The following NUP160 variants were observed in gnomAD, a reference collection of about 807,000 sequenced individuals.
NUP160 encodes the protein nucleoporin 160.
Under a neutral mutation model 196.9 loss-of-function variants are expected in NUP160, and 94 were observed. The ratio of observed to expected loss-of-function variants is 0.48; its 90% CI spans 0.40 to 0.57. NUP160 has a LOEUF of 0.57. NUP160 is among the 20% of genes least tolerant of loss of function. The pLI is 0.00. For synonymous variants in NUP160, 605 were observed against 619.7 expected, an observed-to-expected ratio of 0.98 and a Z score of 0.35; for missense variants, 1,638 against 1,748.3, an observed-to-expected ratio of 0.94 and a Z score of 1.13.
rs751856280 is a variant in NUP160 at position 47,806,315 on chromosome 11, TAAAAAG to T, written c.2447-9_2447-4del. 8.0e-5 allele frequency: 128 copies of T among 1,603,262 alleles called. No individual in the cohort carries two copies. The highest frequency in any genetic ancestry group is 1.7e-4 in the Middle Eastern group (1 of 6,028). Reference sequence around the variant, plus strand: ...CACAATAGTCTGAGGACTAGATACTTAAAAAGAAAAAGTTATGACAGTTTTGTGTAG... The same window carrying T: ...CACAATAGTCTGAGGACTAGATACTTAAAAAGTTATGACAGTTTTGTGTAG... On this transcript the variant is annotated splice_region_variant and splice_polypyrimidine_tract_variant and intron_variant, in intron 19 of 35. Transcript: ENST00000378460.
intron 31 of NUP160, among the ~76,000 whole-genome samples, chr11:47,787,780 C>T (rs1212994453): frequency 2.6e-5 from 4 of 152,162 alleles, no homozygotes; most frequent in South Asian, 2.1e-4. Flanking sequence ...TGCAGTGGCG[C>T]GATCTCGGCT....
At chr11:47,788,984 C>T (rs771522578) in intron 29 of NUP160, among the ~76,000 whole-genome samples, 1 of 151,646 alleles carries the variant, frequency 6.6e-6, no homozygotes, top group African/African-American at 2.4e-5. Context: ...TCATGTGATT[C>T]TCCTGCCTCA....
At chr11:47,835,354 CA>C (rs1852152734) in intron 7 of NUP160, among the ~76,000 whole-genome samples, 1 of 152,194 alleles carries the variant, frequency 6.6e-6, no homozygotes, top group Non-Finnish European at 1.5e-5. Context: ...CTTAACACCA[CA>C]TAACACCTAC....
Position 47,792,784 on chromosome 11 carries a change from A to T in NUP160, c.3450+2T>A. The T allele has an allele frequency of 6.3e-7, 1 of 1,594,480 alleles. No individual in the cohort carries two copies. The highest frequency in any genetic ancestry group is 8.5e-7 in the Non-Finnish European group (1 of 1,171,340). On this transcript the variant is annotated splice_donor_variant, in intron 28 of 35. Transcript: ENST00000378460. LOFTEE classifies it high-confidence loss of function. ...AAATTCCAGGATGAAATGTTTTCAT[A>T]CCACTGCACCAGACACTGGCTGCAC...
intron 7 of NUP160, among the ~76,000 whole-genome samples, chr11:47,830,992 C>T (rs1049289161): frequency 6.6e-5 from 10 of 152,184 alleles, no homozygotes; most frequent in South Asian, 4.2e-4. Flanking sequence ...GGTGAAACCC[C>T]GTCTCTACAA....
At chr11:47,830,386 A>G (rs1179184046) in intron 7 of NUP160, among the ~76,000 whole-genome samples, 1 of 152,210 alleles carries the variant, frequency 6.6e-6, no homozygotes, top group Non-Finnish European at 1.5e-5. Flanking sequence ...AATACAAATC[A>G]TTCTACCATA....
At chr11:47,793,693 A>G (rs1201027328) in intron 27 of NUP160, among the ~76,000 whole-genome samples, 1 of 151,280 alleles carries the variant, frequency 6.6e-6, no homozygotes, top group Non-Finnish European at 1.5e-5. Flanking sequence ...AATACAACAG[A>G]AAATCATTTA....
chr11:47,799,812 T>C (rs998097345), intron 23 of NUP160, among the ~76,000 whole-genome samples: 3 of 151,484 alleles, frequency 2.0e-5, no homozygotes, highest in Non-Finnish European at 4.4e-5. Context: ...TCTCAAAGTG[T>C]TGGGATTACA....
intron 9 of NUP160, among the ~76,000 whole-genome samples, chr11:47,819,751 TCAAATA>T (rs1292502052): frequency 1.3e-5 from 2 of 152,236 alleles, no homozygotes; most frequent in Admixed American, 1.3e-4. Context: ...CACTAAGGCA[TCAAATA>T]CAAAGAATAA....
At chr11:47,838,538 T>C (rs1315348000) in intron 4 of NUP160, among the ~76,000 whole-genome samples, 1 of 151,800 alleles carries the variant, frequency 6.6e-6, no homozygotes, top group African/African-American at 2.4e-5. Context: ...CAAAACCCCA[T>C]CTCTACTAAA....
In NUP160 at chr11:47,833,729, C is replaced by T. The variant is rs114275349; in HGVS notation, c.1101+1922G>A. On this transcript the variant is annotated intron_variant, in intron 7 of 35. Coordinates refer to ENST00000378460, the Ensembl canonical transcript of NUP160. Reference sequence around the variant, plus strand: ...AAGTCTTGCTTGTACTCTGGGAGGCCGAAGTGGGCAGATCACAAGGTCAGG... The same window carrying T: ...AAGTCTTGCTTGTACTCTGGGAGGCTGAAGTGGGCAGATCACAAGGTCAGG... Among the ~76,000 whole-genome samples, 1,397 of 151,900 alleles carry T rather than the reference C, an allele frequency of 9.2e-3. 26 individuals carry two copies. Among genetic ancestry groups the T allele is most frequent in the African/African-American group, 0.032 (1,336 of 41,430 alleles).
chr11:47,787,527 T>G (rs1431303381), intron 31 of NUP160, among the ~76,000 whole-genome samples: 1 of 150,906 alleles, frequency 6.6e-6, no homozygotes, highest in African/African-American at 2.4e-5. Context: ...CCTCCCAAGT[T>G]CAAGAGATTC....
intron 7 of NUP160, among the ~76,000 whole-genome samples, chr11:47,826,602 A>T (rs1851973122): frequency 1.4e-5 from 2 of 144,322 alleles, no homozygotes; most frequent in Non-Finnish European, 3.0e-5. Context: ...TCTCTCTGTC[A>T]CTTAGGCTGG....
At position 47,797,674 on chromosome 11, in the gene NUP160, T is replaced by TA. The variant is rs898665495; in HGVS notation, c.3289+104dup. The TA allele has an allele frequency of 1.4e-5, 11 of 761,486 alleles. No individual in the cohort carries two copies. In the African/African-American group the frequency reaches 1.9e-4, roughly 13 times the overall value. 47.2% of individuals were successfully genotyped at this position (761,486 alleles called of 1,614,324 possible). On this transcript the variant is annotated intron_variant, in intron 27 of 35. Transcript: ENST00000378460. ...ACAAGGTTTAAGCTAATCTTGTACTTAAACACATATTAAAAATTACCTAAG... is the reference window on the plus strand; with the variant it reads ...ACAAGGTTTAAGCTAATCTTGTACTTAAAACACATATTAAAAATTACCTAAG...
chr11:47,797,551 A>G (rs1188538521), intron 27 of NUP160, among the ~76,000 whole-genome samples: 1 of 152,156 alleles, frequency 6.6e-6, no homozygotes, highest in Non-Finnish European at 1.5e-5. Flanking sequence ...AATTTCCTTT[A>G]TAATTGTACA....
chr11:47,812,564 A>C, intron 15 of NUP160, 135 bp from the exon 16 acceptor site: 1 of 887,248 alleles, frequency 1.1e-6, no homozygotes, highest in East Asian at 2.5e-5. Context: ...GGCATATAAG[A>C]TACAGTCCCT....
chr11:47,841,380 C>T, intron 2 of NUP160: 1 of 445,308 alleles, frequency 2.2e-6, no homozygotes, highest in South Asian at 2.5e-5. Context: ...CTTATGCAAA[C>T]TGTGATACAA....
At chr11:47,811,622 C>T (rs971461829) in intron 17 of NUP160, among the ~76,000 whole-genome samples, 1 of 152,110 alleles carries the variant, frequency 6.6e-6, no homozygotes, top group African/African-American at 2.4e-5. Context: ...AAATTTTCCA[C>T]TACTACACAT....
intron 7 of NUP160, among the ~76,000 whole-genome samples, chr11:47,824,804 T>A (rs1442645356): frequency 1.5e-5 from 2 of 131,756 alleles, no homozygotes; most frequent in East Asian, 2.3e-4. Context: ...CCGACCCAGC[T>A]TTTTCTTTTG....
Sources: gnomAD v4.1 joint callset for allele counts (sites outside exome capture counted in the v4.1 genomes callset) on GRCh38, gnomAD v4.1.1 for gene constraint, MANE v1.5 for transcripts, NCBI Gene and HGNC (gene_info 2026-07-23, HGNC 2026-07-21) for gene names.